Variants in PCDHGA9 observed in about 807,000 individuals in gnomAD.
The protein encoded by PCDHGA9 is protocadherin gamma subfamily A, 9, also known as protocadherin gamma-A9.
Under a neutral mutation model 62.5 loss-of-function variants are expected in PCDHGA9, and 37 were observed. The ratio of observed to expected loss-of-function variants is 0.59; its 90% CI spans 0.46 to 0.78. The LOEUF (loss-of-function observed/expected upper bound fraction) is 0.78, where lower values mean the gene tolerates loss of function less well. Among genes scored for constraint, PCDHGA9 ranks in the 30% least tolerant of loss-of-function variants. The probability of loss-of-function intolerance (pLI) is 0.00; values close to 1 mark genes in which losing one functional copy is unlikely to be tolerated. For synonymous variants in PCDHGA9, 459 were observed against 484.6 expected (o/e 0.95, Z 0.69); for missense variants, 1,138 against 1,166.2 (o/e 0.98, Z 0.35).
In PCDHGA9 at chr5:141,489,621, T is replaced by C. The variant is rs765666746; in HGVS notation, c.2425-5186T>C. 29 of 1,613,978 alleles carry C rather than the reference T, an allele frequency of 1.8e-5. No individual in the cohort carries two copies. The highest frequency in any genetic ancestry group is 1.6e-4 in the Middle Eastern group (1 of 6,084). On this transcript the variant is annotated intron_variant, in intron 1 of 3. Transcript: ENST00000573521. The surrounding 1 kb of genome is among the most constrained non-coding windows in gnomAD (Gnocchi z 4.5). ...TAGAGGTAGAGATCCTGGATCTCAATGACAACTCTCCTAGCTTTGCCACCC... is the reference window on the plus strand; with the variant it reads ...TAGAGGTAGAGATCCTGGATCTCAACGACAACTCTCCTAGCTTTGCCACCC...
In PCDHGA9 at chr5:141,445,206, A is replaced by G. The variant is rs1244524491; in HGVS notation, c.2424+39830A>G. On this transcript the variant is annotated intron_variant, in intron 1 of 3. Transcript: ENST00000573521. ...TTTTTATGTATTCTATATGCTTTTGAAAAGTAAGAGGTGCAAAGTGCTCTA... is the reference window on the plus strand; with the variant it reads ...TTTTTATGTATTCTATATGCTTTTGGAAAGTAAGAGGTGCAAAGTGCTCTA... 3.3e-5 allele frequency among the ~76,000 whole-genome samples: 5 copies of G among 152,182 alleles called. No individual in the cohort carries two copies. The East Asian group carries it at 7.7e-4, about 23-fold the overall frequency.
In PCDHGA9 at chr5:141,490,442, A is replaced by T. The variant is rs757900187; in HGVS notation, c.2425-4365A>T. On this transcript the variant is annotated intron_variant, in intron 1 of 3. Transcript: ENST00000573521. The surrounding 1 kb of genome is among the most constrained non-coding windows in gnomAD (Gnocchi z 5.4). ...CTGCCATTTCAGATTAAGCCTTCTG[A>T]GAACCACTACTCGCTGCTAACCAGC... 16 of 1,614,092 alleles carry T rather than the reference A, an allele frequency of 9.9e-6. No individual in the cohort carries two copies. Among genetic ancestry groups the T allele is most frequent in the Non-Finnish European group, 1.2e-5 (14 of 1,180,044 alleles).
At chr5:141,409,181 C>T (rs1280456560) in intron 1 of PCDHGA9, 2 of 1,613,992 alleles carry the variant, frequency 1.2e-6, no homozygotes, top group Non-Finnish European at 1.7e-6. Flanking sequence ...CGGAGGTGGT[C>T]TCTCTACCCA....
At chr5:141,451,712 C>G (rs769620335) in intron 1 of PCDHGA9, among the ~76,000 whole-genome samples, 2 of 151,994 alleles carry the variant, frequency 1.3e-5, no homozygotes, top group African/African-American at 4.8e-5. Context: ...CAAAACCCTG[C>G]CTCTACTAAA....
chr5:141,505,645 G>A (rs997169182), intron 3 of PCDHGA9, 164 bp downstream of exon 3: 2 of 964,274 alleles, frequency 2.1e-6, no homozygotes, highest in African/African-American at 1.8e-5. Flanking sequence ...GCCTGGAATT[G>A]TGGCTAAGGA....
chr5:141,413,077 G>A (rs2095603422), intron 1 of PCDHGA9: 1 of 1,287,542 alleles, frequency 7.8e-7, no homozygotes, highest in African/African-American at 1.5e-5. Context: ...AAGTGCCCAG[G>A]CTACAGAGAC....
intron 1 of PCDHGA9, chr5:141,409,350 G>T: frequency 6.2e-7 from 1 of 1,613,922 alleles, no homozygotes; most frequent in Non-Finnish European, 8.5e-7. Context: ...GGAGAAGTCA[G>T]GTGTAATATA....
intron 2 of PCDHGA9, among the ~76,000 whole-genome samples, chr5:141,505,069 G>A (rs2099843308): frequency 2.0e-5 from 3 of 152,340 alleles, no homozygotes; most frequent in East Asian, 1.9e-4. Flanking sequence ...GACTGAGGCA[G>A]GAGAATCGCT....
intron 2 of PCDHGA9, among the ~76,000 whole-genome samples, chr5:141,498,451 T>C (rs1426888821): frequency 6.6e-6 from 1 of 152,126 alleles, no homozygotes; most frequent in Non-Finnish European, 1.5e-5. Context: ...AGGTTCCTTT[T>C]ATCCAGTCTA....
intron 1 of PCDHGA9, chr5:141,413,663 AT>A (rs1344545568): frequency 6.2e-7 from 1 of 1,613,844 alleles, no homozygotes; most frequent in African/African-American, 1.3e-5. Flanking sequence ...GAAGCTATTG[AT>A]CCGGATGTGG....
intron 1 of PCDHGA9, chr5:141,419,137 C>CAGGG: frequency 6.2e-7 from 1 of 1,613,892 alleles, no homozygotes; most frequent in Non-Finnish European, 8.5e-7. Context: ...CAGCCACAGA[C>CAGGG]AGGGGCAAGC....
chr5:141,404,668 T>C lies in PCDHGA9; in HGVS notation c.1716T>C (p.Ser572=). ...ILYPALPTDG[S]TGVELAPRSA... ...ACCCTGCCCTCCCCACTGATGGTTC[T>C]ACTGGTGTGGAGCTGGCACCCCGCT... is the stretch of plus-strand genomic sequence containing the variant. Residue 572 remains serine (S), a synonymous_variant, in exon 1 of 4, where the codon TCT becomes TCC. Coordinates refer to ENST00000573521, the MANE Select transcript of PCDHGA9 (RefSeq NM_018921.3). The C allele has an allele frequency of 6.2e-7, 1 of 1,614,148 alleles. No homozygotes were observed. The highest frequency in any genetic ancestry group is 8.5e-7 in the Non-Finnish European group (1 of 1,179,978).
At chr5:141,445,148 C>A (rs1051995635) in intron 1 of PCDHGA9, among the ~76,000 whole-genome samples, 3 of 152,092 alleles carry the variant, frequency 2.0e-5, no homozygotes, top group Non-Finnish European at 4.4e-5. Context: ...TCTAATTGTT[C>A]ATTTCTAGTT....
At chr5:141,421,257 C>T (rs944057868) in intron 1 of PCDHGA9, 1 of 1,608,520 alleles carries the variant, frequency 6.2e-7, no homozygotes, top group African/African-American at 1.3e-5. Context: ...GCGGGGACCG[C>T]AGTCGGCTGC....
intron 3 of PCDHGA9, among the ~76,000 whole-genome samples, chr5:141,506,198 C>T (rs985517638): frequency 3.3e-5 from 5 of 152,156 alleles, no homozygotes; most frequent in Admixed American, 6.5e-5. Context: ...CGCCTGTAAT[C>T]CCAGCACTTT....
intron 1 of PCDHGA9, chr5:141,479,437 C>G (rs2099496053): frequency 6.6e-6 from 1 of 152,224 alleles, no homozygotes; most frequent in Admixed American, 6.5e-5. Flanking sequence ...AATCCACTGT[C>G]TGCACTAAGT....
At chr5:141,469,629 C>T (rs933972587) in intron 1 of PCDHGA9, among the ~76,000 whole-genome samples, 1 of 152,070 alleles carries the variant, frequency 6.6e-6, no homozygotes, top group Admixed American at 6.6e-5. Context: ...GTTTGTAGTT[C>T]CAAAATATTT....
chr5:141,477,063 A>G lies in PCDHGA9; in HGVS notation c.2425-17744A>G, dbSNP rs2099404387. 6.2e-7 allele frequency: 1 copy of G among 1,614,248 alleles called. No individual in the cohort carries two copies. On this transcript the variant is annotated intron_variant, in intron 1 of 3. Coordinates refer to ENST00000573521, the MANE Select transcript of PCDHGA9 (RefSeq NM_018921.3). The surrounding 1 kb of genome is among the most constrained non-coding windows in gnomAD (Gnocchi z 4.9). Reference sequence around the variant, plus strand: ...GGTCGGCTGGACTTCGAGGACACCAAACTCCATGAGATTTACATCCAGGCC... The same window carrying G: ...GGTCGGCTGGACTTCGAGGACACCAGACTCCATGAGATTTACATCCAGGCC...
In PCDHGA9 at chr5:141,486,217, T is replaced by C; in HGVS notation, c.2425-8590T>C. ...TGCTGGACGTAAATGACAATGCCCC[T>C]TACATCACAGTGACCTCAGAGCTTG... On this transcript the variant is annotated intron_variant, in intron 1 of 3. Coordinates refer to ENST00000573521, the MANE Select transcript of PCDHGA9 (RefSeq NM_018921.3). The surrounding 1 kb of genome is among the most constrained non-coding windows in gnomAD (Gnocchi z 5.0). The C allele has an allele frequency of 6.2e-7, 1 of 1,614,120 alleles. No homozygotes were observed.
Sources: allele counts gnomAD v4.1 joint callset (sites outside exome capture counted in the v4.1 genomes callset), GRCh38; gene constraint gnomAD v4.1.1; non-coding constraint Gnocchi (gnomAD v3.1); transcripts MANE v1.5; gene names NCBI Gene and HGNC (gene_info 2026-07-23, HGNC 2026-07-21).